AGFG1: variants seen among roughly 807,000 people sequenced by gnomAD.
AGFG1 encodes the protein ArfGAP with FG repeats 1, also known as arf-GAP domain and FG repeat-containing protein 1.
AGFG1 carries 10 observed loss-of-function variants against 60.6 expected under a neutral mutation model. The observed-to-expected ratio is 0.16, with a 90% confidence interval of 0.10 to 0.28. The LOEUF (loss-of-function observed/expected upper bound fraction) is 0.28. Among genes scored for constraint, AGFG1 ranks in the 10% least tolerant of loss-of-function variants. AGFG1 has a pLI of 1.00. For missense variants in AGFG1, 537 were observed against 676.5 expected, an observed-to-expected ratio of 0.79 and a Z score of 2.29; for synonymous variants, 247 against 242.9, an observed-to-expected ratio of 1.02 and a Z score of -0.16.
intron 2 of AGFG1, among the ~76,000 whole-genome samples, chr2:227,518,761 G>A (rs1307100827): frequency 6.6e-6 from 1 of 152,052 alleles, no homozygotes; most frequent in East Asian, 1.9e-4. Context: ...CCTGACCTCA[G>A]GTGATCCGCC....
chr2:227,517,653 C>T (rs759442565), intron 2 of AGFG1, among the ~76,000 whole-genome samples: 7 of 152,220 alleles, frequency 4.6e-5, no homozygotes, highest in Non-Finnish European at 7.3e-5. Context: ...TCTCTTATTT[C>T]TCCCATACCC....
intron 4 of AGFG1, 138 bp downstream of exon 4, chr2:227,524,063 A>G (rs1348177347): frequency 2.2e-6 from 2 of 912,116 alleles, no homozygotes; most frequent in Admixed American, 5.3e-5. Context: ...ATACATTAAG[A>G]AATTGTTGGT....
In AGFG1 at chr2:227,533,461, T is replaced by C; in HGVS notation, c.815-88T>C. The C allele has an allele frequency of 1.8e-5, 21 of 1,176,588 alleles. 1 individual carries two copies. The South Asian group carries it at 2.8e-4, about 16-fold the overall frequency. The allele number at this position is 1,176,588 out of a possible 1,614,324, so 72.9% of individuals were successfully genotyped here. On this transcript the variant is annotated intron_variant, in intron 6 of 12. Transcript: ENST00000310078. ...TGTTGTAAGATTGCTTATAGGACAT[T>C]TAATTTAGGAAGAAATGATCATACA...
In AGFG1 at chr2:227,472,280, C is replaced by T; in HGVS notation, c.-142C>T. 5.3e-6 allele frequency: 2 copies of T among 380,872 alleles called. No homozygotes were observed. Among genetic ancestry groups the T allele is most frequent in the Non-Finnish European group, 7.2e-6 (2 of 278,390 alleles). The allele number at this position is 380,872 out of a possible 1,614,324, so 23.6% of individuals were successfully genotyped here. A position where few individuals can be genotyped will look rare whatever the true frequency, so the allele number is the denominator to read the frequency against. On this transcript the variant is annotated 5_prime_UTR_variant, in exon 1 of 13. Coordinates refer to ENST00000310078, the MANE Select transcript of AGFG1 (RefSeq NM_004504.5). ...CGCGTCGAGCCCAGTACAGCCAAGC[C>T]GCTGCGGCCGGGTCCGGCGCGGGCG...
rs1281439596 is a variant in AGFG1, at chr2:227,559,178, C to T, written c.*4683C>T. 1.3e-5 allele frequency: 2 copies of T among 152,184 alleles called. No homozygotes were observed. Among genetic ancestry groups the T allele is most frequent in the Non-Finnish European group, 2.9e-5 (2 of 68,024 alleles). 9.4% of individuals were successfully genotyped at this position (152,184 alleles called of 1,614,324 possible). A position where few individuals can be genotyped will look rare whatever the true frequency, so the allele number is the denominator to read the frequency against. On this transcript the variant is annotated 3_prime_UTR_variant, in exon 13 of 13. Transcript: ENST00000310078. Reference sequence around the variant, plus strand: ...GCAGTTCTGTTTTGTGTGACCAGCACAGTGTTTTAAAACGTTGCATTCTGA... The same window carrying T: ...GCAGTTCTGTTTTGTGTGACCAGCATAGTGTTTTAAAACGTTGCATTCTGA...
intron 1 of AGFG1, among the ~76,000 whole-genome samples, chr2:227,486,009 A>G (rs1328372616): frequency 6.6e-6 from 1 of 152,192 alleles, no homozygotes; most frequent in Non-Finnish European, 1.5e-5. Context: ...TTGATAGCTT[A>G]AATTGAAAAT....
At chr2:227,505,526 C>G (rs1001736359) in intron 2 of AGFG1, among the ~76,000 whole-genome samples, 1 of 152,014 alleles carries the variant, frequency 6.6e-6, no homozygotes, top group African/African-American at 2.4e-5. Context: ...TTTTTACTTT[C>G]CAGATTGGAC....
intron 2 of AGFG1, among the ~76,000 whole-genome samples, chr2:227,518,539 T>TC (rs1559183544): frequency 6.9e-6 from 1 of 145,518 alleles, no homozygotes; most frequent in Non-Finnish European, 1.5e-5. Flanking sequence ...TTTTTTTTTT[T>TC]AAAGACAGAG....
At chr2:227,521,975 A>G (rs1250134664) in intron 3 of AGFG1, among the ~76,000 whole-genome samples, 1 of 152,242 alleles carries the variant, frequency 6.6e-6, no homozygotes, top group Non-Finnish European at 1.5e-5. Context: ...TTTTTAATCC[A>G]GACTGCTGCA....
intron 1 of AGFG1, 36 bp from the exon 2 acceptor site, chr2:227,491,511 G>A: frequency 5.9e-6 from 8 of 1,345,106 alleles, no homozygotes; most frequent in South Asian, 1.4e-5. Context: ...AATGTGGTAT[G>A]TACTAGTAAA....
intron 2 of AGFG1, among the ~76,000 whole-genome samples, chr2:227,501,970 C>T (rs1339543632): frequency 1.3e-5 from 2 of 152,028 alleles, no homozygotes; most frequent in Non-Finnish European, 2.9e-5. Context: ...GCAGTTCTCC[C>T]ACCTTAACCT....
intron 1 of AGFG1, among the ~76,000 whole-genome samples, chr2:227,479,569 C>CT (rs1690394307): frequency 6.6e-6 from 1 of 152,078 alleles, no homozygotes. Context: ...TGATATTTTC[C>CT]TTCTTTTCTG....
At chr2:227,481,681 G>A (rs1690468776) in intron 1 of AGFG1, among the ~76,000 whole-genome samples, 1 of 151,900 alleles carries the variant, frequency 6.6e-6, no homozygotes, top group Non-Finnish European at 1.5e-5. Context: ...AATTTTTGTG[G>A]GCACATAGTA....
rs1050558726 is a variant in AGFG1, at chr2:227,540,047, A to G, written c.1378+3054A>G. Reference sequence around the variant, plus strand: ...GATGGGGTTTTGCCATGTTGACCAGACTGGTCTTGAACTCCTGGCCTCAAA... The same window carrying G: ...GATGGGGTTTTGCCATGTTGACCAGGCTGGTCTTGAACTCCTGGCCTCAAA... On this transcript the variant is annotated intron_variant, in intron 10 of 12. Coordinates refer to ENST00000310078, the MANE Select transcript of AGFG1 (RefSeq NM_004504.5). Among the ~76,000 whole-genome samples, 6 of 152,036 alleles carry G rather than the reference A, an allele frequency of 3.9e-5. No individual in the cohort carries two copies. In the Middle Eastern group the frequency reaches 0.017, roughly 431 times the overall value.
chr2:227,541,690 G>T (rs1470068345), intron 10 of AGFG1, among the ~76,000 whole-genome samples: 5 of 151,962 alleles, frequency 3.3e-5, no homozygotes, highest in South Asian at 4.2e-4. Flanking sequence ...CTCTTTTTTG[G>T]TTCCATATGA....
At chr2:227,479,121 T>C (rs998571505) in intron 1 of AGFG1, among the ~76,000 whole-genome samples, 1 of 152,222 alleles carries the variant, frequency 6.6e-6, no homozygotes, top group African/African-American at 2.4e-5. Flanking sequence ...GCATTAACTT[T>C]AGGTTTCTCA....
At chr2:227,537,104 C>A in intron 10 of AGFG1, 111 bp downstream of exon 10, 2 of 845,954 alleles carry the variant, frequency 2.4e-6, no homozygotes, top group Non-Finnish European at 1.9e-6. Flanking sequence ...AAGTGAATGG[C>A]AATGGATAGA....
intron 5 of AGFG1, among the ~76,000 whole-genome samples, 159 bp from the exon 6 acceptor site, chr2:227,530,932 C>A (rs12053112): frequency 1 from 152,195 of 152,356 alleles, 76,019 homozygotes; most frequent in Middle Eastern, 1. Flanking sequence ...AATTGGGTTA[C>A]ATGCTGGTAG....
chr2:227,487,416 G>T (rs1377735871), intron 1 of AGFG1, among the ~76,000 whole-genome samples: 2 of 151,596 alleles, frequency 1.3e-5, no homozygotes, highest in Non-Finnish European at 2.9e-5. Context: ...AAAAAAATTA[G>T]CTCTGAGAAT....
Sources: allele counts gnomAD v4.1 joint callset (sites outside exome capture counted in the v4.1 genomes callset), GRCh38; gene constraint gnomAD v4.1.1; transcripts MANE v1.5; gene names NCBI Gene and HGNC (gene_info 2026-07-23, HGNC 2026-07-21).